The following DNAJC5B variants were observed in gnomAD, a reference collection of about 807,000 sequenced individuals.
DNAJC5B encodes DnaJ heat shock protein family (Hsp40) member C5 beta, also known as dnaJ homolog subfamily C member 5B.
DNAJC5B carries 23 observed loss-of-function variants against 24.7 expected under a neutral mutation model. The observed-to-expected ratio is 0.93, with a 90% CI of 0.67 to 1.32. The LOEUF (loss-of-function observed/expected upper bound fraction) is 1.32, where lower values mean the gene tolerates loss of function less well. Among genes scored for constraint, DNAJC5B ranks in the 40% most tolerant of loss-of-function variants. The pLI, the probability that DNAJC5B is intolerant of heterozygous loss-of-function variation, is 0.00. For missense variants in DNAJC5B, 238 were observed against 240.8 expected, an observed-to-expected ratio of 0.99 and a Z score of 0.08; for synonymous variants, 101 against 90.1, an observed-to-expected ratio of 1.12 and a Z score of -0.68.
At chr8:66,093,323 T>C (rs1337276204) in intron 5 of DNAJC5B, among the ~76,000 whole-genome samples, 1 of 152,188 alleles carries the variant, frequency 6.6e-6, no homozygotes, top group Non-Finnish European at 1.5e-5. Context: ...CAAGCAGTTC[T>C]GCAAAATCAT....
At chr8:66,089,376 C>A in intron 5 of DNAJC5B, among the ~76,000 whole-genome samples, 1 of 152,138 alleles carries the variant, frequency 6.6e-6, no homozygotes, top group Non-Finnish European at 1.5e-5. Flanking sequence ...TATCAGTGAC[C>A]AAACACCACA....
chr8:66,022,328 G>T (rs1806148895), intron 1 of DNAJC5B, among the ~76,000 whole-genome samples: 1 of 152,194 alleles, frequency 6.6e-6, no homozygotes, highest in Non-Finnish European at 1.5e-5. Context: ...GGCCCTGAGA[G>T]GCTCTGAGTG....
chr8:66,045,619 C>T (rs953381330), intron 2 of DNAJC5B, among the ~76,000 whole-genome samples: 5 of 151,440 alleles, frequency 3.3e-5, no homozygotes, highest in African/African-American at 1.2e-4. Flanking sequence ...AGGCCTGGGG[C>T]AGAGAAAGAC....
intron 1 of DNAJC5B, among the ~76,000 whole-genome samples, chr8:66,041,964 A>G: frequency 6.6e-6 from 1 of 152,180 alleles, no homozygotes; most frequent in East Asian, 1.9e-4. Context: ...TATATCTGCT[A>G]CTACCAGCAA....
chr8:66,018,100 C>T (rs1472822188), upstream of DNAJC5B, among the ~76,000 whole-genome samples: 5 of 152,126 alleles, frequency 3.3e-5, no homozygotes, highest in African/African-American at 9.7e-5. Context: ...GGTCCAAGTG[C>T]GGTAGTTCTC....
chr8:66,096,794 A>C (rs1249971777), intron 5 of DNAJC5B, among the ~76,000 whole-genome samples: 2 of 152,066 alleles, frequency 1.3e-5, no homozygotes, highest in Non-Finnish European at 2.9e-5. Flanking sequence ...TCAGTCTGAC[A>C]ATATTTTTCT....
chr8:66,056,362 G>C (rs1806963121), intron 3 of DNAJC5B: 1 of 152,166 alleles, frequency 6.6e-6, no homozygotes, highest in African/African-American at 2.4e-5. Flanking sequence ...CCCACCACCA[G>C]TCTGGGACTC....
intron 5 of DNAJC5B, among the ~76,000 whole-genome samples, chr8:66,088,950 C>T (rs1807788021): frequency 6.6e-6 from 1 of 152,212 alleles, no homozygotes; most frequent in African/African-American, 2.4e-5. Flanking sequence ...TTACCCAGTT[C>T]CAAAGTCACT....
At chr8:66,026,261 G>T (rs987003295) in intron 1 of DNAJC5B, among the ~76,000 whole-genome samples, 5 of 150,834 alleles carry the variant, frequency 3.3e-5, no homozygotes, top group Non-Finnish European at 7.4e-5. Context: ...TGTGATTTTT[G>T]TACATTGATT....
chr8:66,040,695 C>T (rs992318380), intron 1 of DNAJC5B, among the ~76,000 whole-genome samples: 2 of 152,102 alleles, frequency 1.3e-5, no homozygotes, highest in African/African-American at 4.8e-5. Context: ...TGCATAAGCC[C>T]AGCCCCACTG....
rs1229509456 is a variant in DNAJC5B, at chr8:66,024,583, G to C, written c.-142+2878G>C. ...CAATGCTATCCCTCCCCCCTCCCCC[G>C]ACCCCACCACAGTCCCCAGAGTGTG... is the stretch of plus-strand genomic sequence containing the variant. On this transcript the variant is annotated intron_variant, in intron 1 of 5. Transcript: ENST00000276570. 7.6e-3 allele frequency among the ~76,000 whole-genome samples: 652 copies of C among 85,332 alleles called. 8 individuals are homozygous for C. Among genetic ancestry groups the C allele is most frequent in the Non-Finnish European group, 0.011 (480 of 44,896 alleles). The allele number at this position is 85,332 out of a possible 152,430, so 56.0% of individuals were successfully genotyped here. A position where few individuals can be genotyped will look rare whatever the true frequency, so the allele number is the denominator to read the frequency against.
chr8:66,072,105 G>A (rs987785729), intron 3 of DNAJC5B, among the ~76,000 whole-genome samples: 4 of 152,092 alleles, frequency 2.6e-5, no homozygotes, highest in African/African-American at 7.2e-5. Flanking sequence ...TGTAGGTGAC[G>A]GATTGATGGG....
intron 1 of DNAJC5B, among the ~76,000 whole-genome samples, chr8:66,023,287 G>GT (rs918949236): frequency 5.3e-5 from 8 of 152,282 alleles, no homozygotes; most frequent in Middle Eastern, 3.4e-3. Flanking sequence ...GATTTTCTAA[G>GT]TTAGAATATT....
At chr8:66,028,363 TG>T (rs1806291555) in intron 1 of DNAJC5B, among the ~76,000 whole-genome samples, 1 of 152,118 alleles carries the variant, frequency 6.6e-6, no homozygotes, top group African/African-American at 2.4e-5. Flanking sequence ...AGAGGAGTCA[TG>T]GAAACACAAG....
intron 1 of DNAJC5B, among the ~76,000 whole-genome samples, chr8:66,028,626 C>T (rs541405367): frequency 1.3e-5 from 2 of 152,272 alleles, no homozygotes; most frequent in Admixed American, 6.5e-5. Flanking sequence ...CTCTGATCCC[C>T]GAGTCACTCT....
At chr8:66,028,579 C>A (rs1401138572) in intron 1 of DNAJC5B, among the ~76,000 whole-genome samples, 23 of 107,952 alleles carry the variant, frequency 2.1e-4, no homozygotes, top group Non-Finnish European at 3.3e-5. Context: ...CGGGCCTCAC[C>A]ATATTCCCAG....
chr8:66,053,755 G>A (rs1373211152), intron 3 of DNAJC5B, among the ~76,000 whole-genome samples: 1 of 151,630 alleles, frequency 6.6e-6, no homozygotes, highest in Non-Finnish European at 1.5e-5. Context: ...TCGGTCTCCC[G>A]AGTAGCTGGG....
intron 3 of DNAJC5B, among the ~76,000 whole-genome samples, chr8:66,055,953 T>A (rs938899628): frequency 2.0e-5 from 3 of 152,006 alleles, no homozygotes; most frequent in Non-Finnish European, 4.4e-5. Context: ...TGTCTTGGAA[T>A]AAATAAATAA....
intron 1 of DNAJC5B, among the ~76,000 whole-genome samples, chr8:66,022,527 G>A (rs1372257107): frequency 6.6e-6 from 1 of 152,130 alleles, no homozygotes; most frequent in African/African-American, 2.4e-5. Flanking sequence ...CTCCCTCAGT[G>A]GGAGTAAGAG....
Sources: allele counts gnomAD v4.1 joint callset (sites outside exome capture counted in the v4.1 genomes callset), GRCh38; gene constraint gnomAD v4.1.1; transcripts MANE v1.5; gene names NCBI Gene and HGNC (gene_info 2026-07-23, HGNC 2026-07-21).